Variants in TULP4 observed in about 807,000 individuals in gnomAD.
TULP4 encodes the protein tubby-related protein 4.
In TULP4, 16 loss-of-function variants were observed where a neutral mutation model predicts 129.0. The ratio of observed to expected loss-of-function variants is 0.12; its 90% confidence interval spans 0.08 to 0.19. TULP4 has a LOEUF of 0.19. Among genes scored for constraint, TULP4 ranks in the 10% least tolerant of loss-of-function variants. TULP4 has a pLI of 1.00. For synonymous variants in TULP4, 998 were observed against 854.0 expected (o/e 1.17, Z -2.94); for missense variants, 1,842 against 2,059.1 (o/e 0.89, Z 2.04).
chr6:158,422,256 A>G (rs1778362531), intron 2 of TULP4, among the ~76,000 whole-genome samples: 1 of 152,238 alleles, frequency 6.6e-6, no homozygotes, highest in Non-Finnish European at 1.5e-5. Context: ...AAGAACACAG[A>G]AATAAACAAT....
At chr6:158,265,614 G>A (rs1221587325) in intron 1 of TULP4, among the ~76,000 whole-genome samples, 3 of 151,952 alleles carry the variant, frequency 2.0e-5, no homozygotes, top group Non-Finnish European at 4.4e-5. Context: ...CCTGGGAGGC[G>A]GAGGTTGCAG....
At chr6:158,238,110 A>G (rs1413881281) in intron 1 of TULP4, 5 of 732,274 alleles carry the variant, frequency 6.8e-6, no homozygotes, top group Non-Finnish European at 1.3e-5. Flanking sequence ...TAATGCAGAC[A>G]CCATGCCTGG....
At chr6:158,282,925 T>G (rs1389737933) in intron 1 of TULP4, 2 of 151,994 alleles carry the variant, frequency 1.3e-5, no homozygotes, top group African/African-American at 4.8e-5. Flanking sequence ...GCGGGTCACT[T>G]GAGGTCAGTT....
intron 1 of TULP4, among the ~76,000 whole-genome samples, chr6:158,366,273 A>G (rs1032585879): frequency 6.6e-6 from 1 of 152,054 alleles, no homozygotes; most frequent in Non-Finnish European, 1.5e-5. Context: ...TCTTAAGTGG[A>G]CTTCTTTGTC....
At chr6:158,462,531 G>T (rs190513763) in intron 6 of TULP4, among the ~76,000 whole-genome samples, 1 of 150,824 alleles carries the variant, frequency 6.6e-6, no homozygotes, top group Non-Finnish European at 1.5e-5. Context: ...CTGCCACCAC[G>T]CCCAGCTAAT....
intron 1 of TULP4, among the ~76,000 whole-genome samples, chr6:158,335,783 A>G (rs909313396): frequency 6.6e-6 from 1 of 152,210 alleles, no homozygotes; most frequent in Non-Finnish European, 1.5e-5. Context: ...TTTACAGCAC[A>G]TGGTGTGCCA....
At chr6:158,259,352 A>G (rs1648463619) in intron 1 of TULP4, among the ~76,000 whole-genome samples, 1 of 152,152 alleles carries the variant, frequency 6.6e-6, no homozygotes, top group Admixed American at 6.5e-5. Flanking sequence ...GTTAGATCAC[A>G]TACTCCACTG....
chr6:158,414,682 A>G (rs944896296), intron 2 of TULP4, among the ~76,000 whole-genome samples: 1 of 152,186 alleles, frequency 6.6e-6, no homozygotes, highest in African/African-American at 2.4e-5. Context: ...TCCATTAACT[A>G]AAGCATGGGA....
chr6:158,439,837 G>A (rs1025610655), intron 3 of TULP4, among the ~76,000 whole-genome samples: 2 of 142,456 alleles, frequency 1.4e-5, no homozygotes, highest in African/African-American at 2.6e-5. Flanking sequence ...TCAGCCTCCC[G>A]AGTAGCTGGG....
chr6:158,356,666 C>T (rs1207504327), intron 1 of TULP4, among the ~76,000 whole-genome samples: 1 of 152,008 alleles, frequency 6.6e-6, no homozygotes, highest in African/African-American at 2.4e-5. Flanking sequence ...ATCTTTTATA[C>T]ATTGAGGGGC....
intron 1 of TULP4, among the ~76,000 whole-genome samples, chr6:158,302,974 G>A (rs1779155922): frequency 6.6e-6 from 1 of 150,614 alleles, no homozygotes; most frequent in African/African-American, 2.4e-5. Context: ...CTAGTTATAT[G>A]TTAGTGGGAT....
intron 3 of TULP4, among the ~76,000 whole-genome samples, chr6:158,441,854 C>T (rs1176150222): frequency 6.6e-6 from 1 of 152,236 alleles, no homozygotes; most frequent in African/African-American, 2.4e-5. Flanking sequence ...CTCCAGCTCT[C>T]TTACGTTCCT....
At chr6:158,420,522 C>T (rs1360060932) in intron 2 of TULP4, among the ~76,000 whole-genome samples, 2 of 152,202 alleles carry the variant, frequency 1.3e-5, no homozygotes, top group Non-Finnish European at 2.9e-5. Context: ...ATTCTTGTTG[C>T]CTAGGCTGGA....
At chr6:158,395,935 C>G (rs1455737591) in intron 1 of TULP4, among the ~76,000 whole-genome samples, 1 of 151,950 alleles carries the variant, frequency 6.6e-6, no homozygotes, top group Non-Finnish European at 1.5e-5. Flanking sequence ...CACAGTCCTC[C>G]TAGAGTTAAT....
intron 1 of TULP4, among the ~76,000 whole-genome samples, chr6:158,378,495 G>T (rs1439474141): frequency 8.3e-6 from 1 of 120,596 alleles, no homozygotes; most frequent in Non-Finnish European, 1.7e-5. Flanking sequence ...TGGTGGGGGT[G>T]GGGGTGGGAG....
rs76505994 is a variant in TULP4 at position 158,328,660 on chromosome 6, G to A, written c.252+14392G>A. ...GGCAGGTGAGAGGTTAGTACAGGTG[G>A]GAGGTGTCCCCGCTGTGTGGGGAGG... On this transcript the variant is annotated intron_variant, in intron 1 of 13. Coordinates refer to ENST00000367097, the MANE Select transcript of TULP4 (RefSeq NM_020245.5). Among the ~76,000 whole-genome samples the A allele has an allele frequency of 5.8e-3, 883 of 152,258 alleles. 8 individuals carry two copies. The highest frequency in any genetic ancestry group is 0.02 in the African/African-American group (819 of 41,548).
rs550864790 is a variant in TULP4 at position 158,502,727 on chromosome 6, G to T, written c.3064G>T (p.Val1022Leu). ...LAKSKGGPGG[V>L]VTQLPARPPP... is the part of the protein sequence containing the mutation. ...CAAGTCCAAGGGCGGGCCCGGGGGG[G>T]TGGTGACACAGCTCCCAGCGCGGCC... The change falls in exon 13 of 14, where the codon GTG becomes TTG. Residue 1022 changes from valine (V) to leucine (L), a missense_variant. By Grantham distance (32) the Val-to-Leu change is conservative. Around this residue, in one of 5 missense-constraint regions of TULP4, gnomAD observed 1,089 missense variants for 987.1 expected, o/e 1.10. Transcript: ENST00000367097. 1.3e-6 allele frequency: 2 copies of T among 1,571,824 alleles called. No homozygotes were observed. Among genetic ancestry groups the T allele is most frequent in the African/African-American group, 1.3e-5 (1 of 74,468 alleles).
chr6:158,299,401 G>T (rs1779095485), intron 1 of TULP4, among the ~76,000 whole-genome samples: 1 of 152,058 alleles, frequency 6.6e-6, no homozygotes, highest in South Asian at 2.1e-4. Context: ...TTTTAGATGG[G>T]CCCTCAAAAT....
At chr6:158,472,101 A>G (rs1438966924) in intron 6 of TULP4, among the ~76,000 whole-genome samples, 1 of 152,104 alleles carries the variant, frequency 6.6e-6, no homozygotes, top group Non-Finnish European at 1.5e-5. Context: ...TTTTCTTTTA[A>G]AGCTGCCTAG....
Sources: gnomAD v4.1 joint callset for allele counts (sites outside exome capture counted in the v4.1 genomes callset) on GRCh38, gnomAD v4.1.1 for gene constraint, gnomAD v4.1.1 regional missense constraint, MANE v1.5 for transcripts, NCBI Gene and HGNC (gene_info 2026-07-23, HGNC 2026-07-21) for gene names.